The following RGS5 variants were observed in gnomAD, a reference collection of about 807,000 sequenced individuals.
RGS5 encodes regulator of G-protein signalling 5.
Under a neutral mutation model 18.9 loss-of-function variants are expected in RGS5, and 20 were observed. That is an observed-to-expected ratio of 1.06 (90% CI 0.74 to 1.54). The LOEUF (loss-of-function observed/expected upper bound fraction) is 1.54. Among genes scored for constraint, RGS5 ranks in the 40% most tolerant of loss-of-function variants. The pLI is 0.00. For missense variants in RGS5, 201 were observed against 211.8 expected (o/e 0.95, Z 0.32); for synonymous variants, 57 against 76.2 (o/e 0.75, Z 1.31).
At chr1:163,209,455 T>C (rs756294146) in intron 1 of RGS5, among the ~76,000 whole-genome samples, 2 of 152,176 alleles carry the variant, frequency 1.3e-5, no homozygotes, top group Non-Finnish European at 2.9e-5. Context: ...AATTTATAAA[T>C]GAATTTAGGG....
chr1:163,219,663 C>T (rs544665636), upstream of RGS5, among the ~76,000 whole-genome samples: 1 of 151,822 alleles, frequency 6.6e-6, no homozygotes, highest in Non-Finnish European at 1.5e-5. Flanking sequence ...TTTTAATTTC[C>T]AATATAATAC....
intron 1 of RGS5, among the ~76,000 whole-genome samples, chr1:163,193,268 T>C (rs143733623): frequency 3.3e-5 from 5 of 152,244 alleles, no homozygotes; most frequent in East Asian, 3.9e-4. Flanking sequence ...ATGGAGAATA[T>C]AGAATAAAGG....
At chr1:163,239,036 G>T in intron 2 of RGS5, 1 of 214,626 alleles carries the variant, frequency 4.7e-6, no homozygotes, top group East Asian at 1.2e-4. Context: ...GAGCTACTGC[G>T]GTACCAAGGA....
intron 1 of RGS5, among the ~76,000 whole-genome samples, chr1:163,176,907 T>C (rs943407249): frequency 2.0e-5 from 3 of 152,200 alleles, no homozygotes; most frequent in African/African-American, 4.8e-5. Context: ...TATGTCATAG[T>C]TAATTCAGCT....
rs549172910 is a variant in RGS5 at position 163,191,290 on chromosome 1, C to T, written c.44+11502G>A. Among the ~76,000 whole-genome samples, 5 of 152,020 alleles carry T rather than the reference C, an allele frequency of 3.3e-5. No homozygotes were observed. The South Asian group carries it at 1.0e-3, about 32-fold the overall frequency. On this transcript the variant is annotated intron_variant, in intron 1 of 4. Coordinates refer to ENST00000313961, the MANE Select transcript of RGS5 (RefSeq NM_003617.4). ...GGGTCTTGACAGGAATAGCCACTGA[C>T]CCTAGAGTGCGTTTTGCTTATGAAG...
At chr1:163,150,968 T>A (rs1303847033) in intron 4 of RGS5, among the ~76,000 whole-genome samples, 2 of 152,180 alleles carry the variant, frequency 1.3e-5, no homozygotes, top group Non-Finnish European at 2.9e-5. Context: ...CTTGCCCAGA[T>A]CACCTCCGTG....
intron 1 of RGS5, among the ~76,000 whole-genome samples, chr1:163,215,060 C>A (rs896474448): frequency 7.9e-5 from 12 of 152,150 alleles, no homozygotes; most frequent in African/African-American, 2.9e-4. Context: ...CATAAACAAT[C>A]TGAAGCTAGT....
chr1:163,199,251 A>G (rs1163534465), intron 1 of RGS5, among the ~76,000 whole-genome samples: 2 of 152,148 alleles, frequency 1.3e-5, no homozygotes, highest in African/African-American at 4.8e-5. Context: ...TCATTGCCCA[A>G]ATGTTTGAAT....
chr1:163,321,381 G>A (rs1442260429), intron 1 of RGS5: 2 of 152,136 alleles, frequency 1.3e-5, no homozygotes, highest in Non-Finnish European at 2.9e-5. Context: ...TCGTGCTTAT[G>A]AGCACAGAGT....
At chr1:163,173,425 G>A (rs1658393487) in intron 1 of RGS5, among the ~76,000 whole-genome samples, 1 of 152,152 alleles carries the variant, frequency 6.6e-6, no homozygotes, top group South Asian at 2.1e-4. Flanking sequence ...TCTGCTCCCT[G>A]TGTGGGTATG....
chr1:163,170,997 T>G (rs1165017608), intron 1 of RGS5, among the ~76,000 whole-genome samples: 1 of 152,228 alleles, frequency 6.6e-6, no homozygotes, highest in Non-Finnish European at 1.5e-5. Flanking sequence ...TACTAATGCA[T>G]GTGAGTCACT....
intron 1 of RGS5, among the ~76,000 whole-genome samples, chr1:163,184,155 C>A (rs572151537): frequency 5.9e-5 from 9 of 152,192 alleles, no homozygotes; most frequent in African/African-American, 2.2e-4. Context: ...GTCTAGGAAC[C>A]AAGCAAAAGG....
chr1:163,235,950 A>T (rs1647610793), intron 2 of RGS5, among the ~76,000 whole-genome samples: 1 of 152,188 alleles, frequency 6.6e-6, no homozygotes, highest in African/African-American at 2.4e-5. Context: ...GAGTCTAGCA[A>T]GCATAGCCAT....
intron 2 of RGS5, among the ~76,000 whole-genome samples, chr1:163,165,805 C>T (rs1658016036): frequency 6.6e-6 from 1 of 152,042 alleles, no homozygotes; most frequent in African/African-American, 2.4e-5. Context: ...ACTCAGGAGG[C>T]TGAGGCAGGA....
upstream of RGS5, among the ~76,000 whole-genome samples, chr1:163,221,536 G>C (rs1204500107): frequency 6.6e-6 from 1 of 152,110 alleles, no homozygotes; most frequent in Non-Finnish European, 1.5e-5. Flanking sequence ...AATCTCCATA[G>C]AGTGTATTAT....
chr1:163,315,331 A>G (rs1649991225), intron 1 of RGS5, among the ~76,000 whole-genome samples: 1 of 152,126 alleles, frequency 6.6e-6, no homozygotes, highest in African/African-American at 2.4e-5. Flanking sequence ...CCAAGACAGT[A>G]GGACTGCCTG....
At chr1:163,239,090 T>C in intron 2 of RGS5, 1 of 184,486 alleles carries the variant, frequency 5.4e-6, no homozygotes. Context: ...TGAATCCCAT[T>C]TCCTGTAACT....
intron 2 of RGS5, among the ~76,000 whole-genome samples, chr1:163,163,604 T>C (rs114962224): frequency 2.0e-3 from 311 of 152,356 alleles, no homozygotes; most frequent in African/African-American, 7.3e-3. Context: ...TTGGCTCTTT[T>C]ATATTACTGC....
chr1:163,157,719 G>GGTAAA (rs1553212838), intron 3 of RGS5, among the ~76,000 whole-genome samples: 3 of 151,460 alleles, frequency 2.0e-5, no homozygotes, highest in African/African-American at 7.3e-5. Flanking sequence ...AAAAAGAGAT[G>GGTAAA]GTGGTTTGTC....
Sources: gnomAD v4.1 joint callset for allele counts (sites outside exome capture counted in the v4.1 genomes callset) on GRCh38, gnomAD v4.1.1 for gene constraint, MANE v1.5 for transcripts, NCBI Gene and HGNC (gene_info 2026-07-23, HGNC 2026-07-21) for gene names.